ATG14: variants seen among roughly 807,000 people sequenced by gnomAD.
The protein encoded by ATG14 is autophagy related 14, also known as beclin 1-associated autophagy-related key regulator.
ATG14 carries 35 observed loss-of-function variants against 60.4 expected under a neutral mutation model. The ratio of observed to expected loss-of-function variants is 0.58; its 90% CI spans 0.44 to 0.77. The LOEUF (loss-of-function observed/expected upper bound fraction) is 0.77, where lower values mean the gene tolerates loss of function less well. Ranked by LOEUF, ATG14 falls within the 30% of genes least tolerant of loss-of-function variation. The probability of loss-of-function intolerance (pLI) is 0.00; values close to 1 mark genes in which losing one functional copy is unlikely to be tolerated. For missense variants in ATG14, 647 were observed against 626.3 expected (o/e 1.03, Z -0.35); for synonymous variants, 234 against 228.8 (o/e 1.02, Z -0.21).
intron 6 of ATG14, among the ~76,000 whole-genome samples, chr14:55,381,248 G>C (rs1036970651): frequency 3.9e-5 from 6 of 152,278 alleles, no homozygotes; most frequent in African/African-American, 1.4e-4. Flanking sequence ...CAAAGCATGA[G>C]CTCACTAAAT....
chr14:55,400,211 A>C (rs1219128247), intron 1 of ATG14, among the ~76,000 whole-genome samples: 1 of 152,216 alleles, frequency 6.6e-6, no homozygotes, highest in Non-Finnish European at 1.5e-5. Flanking sequence ...AGAAGGAGAT[A>C]AAAAATTCAT....
At chr14:55,391,026 T>C in intron 3 of ATG14, 34 bp from the exon 4 acceptor site, 2 of 1,413,684 alleles carry the variant, frequency 1.4e-6, no homozygotes, top group South Asian at 1.2e-5. Context: ...TCACAAACGT[T>C]GGTCTCTTAT....
chr14:55,392,907 A>G (rs2140141523), intron 3 of ATG14, among the ~76,000 whole-genome samples: 1 of 152,258 alleles, frequency 6.6e-6, no homozygotes, highest in Admixed American at 6.5e-5. Flanking sequence ...GAAATATATC[A>G]GATATGACCT....
chr14:55,369,528 A>G lies in ATG14; in HGVS notation c.*91T>C. ...ACACTTTAACCTCTTTGTTCCAGACACTATCTTAACTTAAACAGAAAATGT... is the reference window on the plus strand; with the variant it reads ...ACACTTTAACCTCTTTGTTCCAGACGCTATCTTAACTTAAACAGAAAATGT... On this transcript the variant is annotated 3_prime_UTR_variant, in exon 10 of 10. Transcript: ENST00000247178. 8.2e-7 allele frequency: 1 copy of G among 1,212,246 alleles called. No individual in the cohort carries two copies. Among genetic ancestry groups the G allele is most frequent in the Non-Finnish European group, 1.1e-6 (1 of 891,440 alleles). The allele number at this position is 1,212,246 out of a possible 1,614,324, so 75.1% of individuals were successfully genotyped here.
chr14:55,386,341 A>G (rs185066270), intron 4 of ATG14, among the ~76,000 whole-genome samples: 98 of 152,356 alleles, frequency 6.4e-4, no homozygotes, highest in African/African-American at 2.1e-3. Flanking sequence ...TAGTAAAAGG[A>G]GTCACTCAAC....
intron 7 of ATG14, among the ~76,000 whole-genome samples, chr14:55,379,937 A>AAAC (rs908690955): frequency 6.6e-6 from 1 of 152,156 alleles, no homozygotes. Context: ...TTTTATTAAA[A>AAAC]AACAACAACA....
At chr14:55,383,173 A>G (rs752812841) in intron 5 of ATG14, among the ~76,000 whole-genome samples, 1 of 152,178 alleles carries the variant, frequency 6.6e-6, no homozygotes, top group Non-Finnish European at 1.5e-5. Context: ...ATGCCATCAT[A>G]TGCCACAGCC....
intron 1 of ATG14, among the ~76,000 whole-genome samples, chr14:55,407,037 T>C (rs1026997896): frequency 2.0e-5 from 3 of 151,790 alleles, no homozygotes; most frequent in African/African-American, 7.3e-5. Flanking sequence ...TCTCAGCTCA[T>C]GGCAGCCTCT....
intron 7 of ATG14, among the ~76,000 whole-genome samples, chr14:55,379,222 T>TA (rs1884981685): frequency 6.6e-6 from 1 of 152,172 alleles, no homozygotes; most frequent in South Asian, 2.1e-4. Flanking sequence ...AAGCAAAGTG[T>TA]AAACAGTGTT....
intron 3 of ATG14, chr14:55,395,365 G>GTTTT (rs56130648): frequency 0.3 from 67,030 of 224,422 alleles, 10,664 homozygotes; most frequent in East Asian, 0.34. Flanking sequence ...TTGTTTGTTT[G>GTTTT]TTTGTTTGAG....
intron 5 of ATG14, among the ~76,000 whole-genome samples, chr14:55,382,943 T>C (rs965259656): frequency 1.3e-5 from 2 of 152,256 alleles, no homozygotes; most frequent in African/African-American, 4.8e-5. Flanking sequence ...TACATTTTTA[T>C]GAAAAAACTT....
intron 3 of ATG14, chr14:55,394,833 C>G (rs80276999): frequency 6.5e-6 from 2 of 306,658 alleles, no homozygotes; most frequent in South Asian, 6.0e-5. Flanking sequence ...AACTAACCCC[C>G]CAACTACGGA....
Position 55,380,556 on chromosome 14 carries a change from C to A in ATG14, c.995+17G>T. On this transcript the variant is annotated intron_variant, in intron 7 of 9. Coordinates refer to ENST00000247178, the MANE Select transcript of ATG14 (RefSeq NM_014924.5). ...AGAGCCATGATAAAGATGACATTAC[C>A]ACCTTCAATTACTTGCCTGTTGCAG... The A allele has an allele frequency of 6.7e-7, 1 of 1,497,464 alleles. No homozygotes were observed. Among genetic ancestry groups the A allele is most frequent in the Non-Finnish European group, 9.3e-7 (1 of 1,079,312 alleles). The allele number at this position is 1,497,464 out of a possible 1,614,324, so 92.8% of individuals were successfully genotyped here. A position where few individuals can be genotyped will look rare whatever the true frequency, so the allele number is the denominator to read the frequency against.
At chr14:55,402,970 A>ATATATAG (rs1566585833) in intron 1 of ATG14, among the ~76,000 whole-genome samples, 1 of 69,470 alleles carries the variant, frequency 1.4e-5, no homozygotes, top group Non-Finnish European at 3.0e-5. Flanking sequence ...TATATATATA[A>ATATATAG]ATAGCTGGGC....
Position 55,410,819 on chromosome 14 carries a change from T to C in ATG14, c.221+783A>G, listed in dbSNP as rs1296280290. 2.6e-5 allele frequency among the ~76,000 whole-genome samples: 4 copies of C among 152,152 alleles called. No homozygotes were observed. The East Asian group carries it at 7.7e-4, about 29-fold the overall frequency. Reference sequence around the variant, plus strand: ...CAGAATGCTAGCTATCTTACTATCATTGACTATCATTGACACTAAATTGTT... The same window carrying C: ...CAGAATGCTAGCTATCTTACTATCACTGACTATCATTGACACTAAATTGTT... On this transcript the variant is annotated intron_variant, in intron 1 of 9. Transcript: ENST00000247178.
chr14:55,370,210 G>A (rs536171648), intron 9 of ATG14, among the ~76,000 whole-genome samples: 4 of 152,296 alleles, frequency 2.6e-5, no homozygotes, highest in East Asian at 3.9e-4. Context: ...TCACTGAGAT[G>A]GCCCATGCTG....
chr14:55,404,420 G>A (rs762717148), intron 1 of ATG14, among the ~76,000 whole-genome samples: 4 of 152,126 alleles, frequency 2.6e-5, no homozygotes, highest in Non-Finnish European at 5.9e-5. Flanking sequence ...TCTGCCATGC[G>A]CAAGTAAGCA....
intron 9 of ATG14, among the ~76,000 whole-genome samples, chr14:55,372,597 C>T (rs553951960): frequency 6.6e-6 from 1 of 151,846 alleles, no homozygotes; most frequent in South Asian, 2.1e-4. Context: ...CTCACTCCTT[C>T]CCTTCCTCCT....
chr14:55,370,379 G>A (rs1884786807), intron 9 of ATG14, among the ~76,000 whole-genome samples: 1 of 149,450 alleles, frequency 6.7e-6, no homozygotes, highest in Non-Finnish European at 1.5e-5. Context: ...AACTCAGTGG[G>A]TTCCTGTACA....
Sources: allele counts gnomAD v4.1 joint callset (sites outside exome capture counted in the v4.1 genomes callset), GRCh38; gene constraint gnomAD v4.1.1; transcripts MANE v1.5; gene names NCBI Gene and HGNC (gene_info 2026-07-23, HGNC 2026-07-21).